The following FBXW7 variants were observed in gnomAD, a reference collection of about 807,000 sequenced individuals.
FBXW7 encodes F-box and WD repeat domain containing 7, also known as F-box/WD repeat-containing protein 7.
Under a neutral mutation model 86.3 loss-of-function variants are expected in FBXW7, and 11 were observed. The observed-to-expected ratio is 0.13, with a 90% CI of 0.08 to 0.21. The LOEUF is 0.21. Among genes scored for constraint, FBXW7 ranks in the 10% least tolerant of loss-of-function variants. FBXW7 has a pLI of 1.00. For synonymous variants in FBXW7, 313 were observed against 297.9 expected (o/e 1.05, Z -0.52); for missense variants, 488 against 847.4 (o/e 0.58, Z 5.27).
intron 6 of FBXW7, among the ~76,000 whole-genome samples, chr4:152,346,122 T>C (rs1253003452): frequency 2.0e-5 from 3 of 152,152 alleles, no homozygotes; most frequent in African/African-American, 7.2e-5. Context: ...GATAAATCAA[T>C]GTAATATCAC....
intron 2 of FBXW7, among the ~76,000 whole-genome samples, chr4:152,468,316 T>C (rs1367246234): frequency 1.3e-5 from 2 of 151,958 alleles, no homozygotes; most frequent in Non-Finnish European, 2.9e-5. Context: ...AAAACTTATA[T>C]AAGAATGTTC....
intron 4 of FBXW7, among the ~76,000 whole-genome samples, chr4:152,381,416 GGTTT>G (rs1267564278): frequency 2.0e-5 from 3 of 151,942 alleles, no homozygotes; most frequent in South Asian, 2.1e-4. Context: ...CCCAAGCAGT[GGTTT>G]GTTTGTTTGT....
intron 2 of FBXW7, among the ~76,000 whole-genome samples, chr4:152,443,950 CATA>C (rs1560904835): frequency 6.6e-6 from 1 of 152,002 alleles, no homozygotes; most frequent in Non-Finnish European, 1.5e-5. Context: ...TCAAATTATC[CATA>C]ATATCATCAT....
intron 2 of FBXW7, among the ~76,000 whole-genome samples, chr4:152,500,783 A>G (rs1746872502): frequency 6.6e-6 from 1 of 152,226 alleles, no homozygotes; most frequent in African/African-American, 2.4e-5. Context: ...AAATGTATTC[A>G]AAAGATTATT....
chr4:152,483,422 G>A (rs561599548), intron 2 of FBXW7, among the ~76,000 whole-genome samples: 4 of 151,446 alleles, frequency 2.6e-5, no homozygotes, highest in African/African-American at 9.7e-5. Flanking sequence ...AGCTTTTTGA[G>A]GCTGGGCGTG....
chr4:152,532,754 A>G (rs1750130339), intron 2 of FBXW7, among the ~76,000 whole-genome samples: 1 of 152,168 alleles, frequency 6.6e-6, no homozygotes, highest in Non-Finnish European at 1.5e-5. Flanking sequence ...TCTTAGATAA[A>G]TATTGGTCTA....
chr4:152,376,099 G>A (rs547208653), intron 4 of FBXW7, among the ~76,000 whole-genome samples: 13 of 152,080 alleles, frequency 8.5e-5, no homozygotes, highest in South Asian at 8.3e-4. Flanking sequence ...TTTCTGACCC[G>A]TGAGATTACT....
At chr4:152,374,352 TTC>T (rs1437856382) in intron 4 of FBXW7, among the ~76,000 whole-genome samples, 1 of 152,128 alleles carries the variant, frequency 6.6e-6, no homozygotes, top group Non-Finnish European at 1.5e-5. Flanking sequence ...CCATGTGTGT[TTC>T]TTTTTCATTT....
chr4:152,361,081 G>A lies in FBXW7; in HGVS notation c.502-10957C>T, dbSNP rs566327817. Among the ~76,000 whole-genome samples the A allele has an allele frequency of 1.4e-3, 216 of 152,058 alleles. 1 individual carries two copies. The highest frequency in any genetic ancestry group is 4.8e-3 in the African/African-American group (201 of 41,544). ...TTTCACTAATTCAAAAATATTTATTGAGTACCTATTTTGTTTTGGTGCTAG... is the reference window on the plus strand; with the variant it reads ...TTTCACTAATTCAAAAATATTTATTAAGTACCTATTTTGTTTTGGTGCTAG... On this transcript the variant is annotated intron_variant, in intron 4 of 13. Transcript: ENST00000281708.
chr4:152,324,329 T>C lies in FBXW7; in HGVS notation c.1710A>G (p.Thr570=), dbSNP rs1163128873. The C allele has an allele frequency of 8.7e-6, 14 of 1,612,494 alleles. No individual in the cohort carries two copies. The highest frequency in any genetic ancestry group is 1.2e-5 in the Non-Finnish European group (14 of 1,179,214). The change falls in exon 13 of 14, where the codon ACA becomes ACG. Residue 570 remains threonine, a synonymous_variant. Coordinates refer to ENST00000281708, the MANE Select transcript of FBXW7 (RefSeq NM_001349798.2). ...CTGTTAACGTGTGAATGCAATTCCC[T>C]GTCTCCACATCCCAAACACGGATTG... ...DTSIRVWDVE[T]GNCIHTLTGH...
intron 2 of FBXW7, among the ~76,000 whole-genome samples, chr4:152,466,062 C>A (rs1392739725): frequency 6.6e-6 from 1 of 152,116 alleles, no homozygotes; most frequent in East Asian, 1.9e-4. Flanking sequence ...AAAAACACAT[C>A]TAGCGCATTT....
chr4:152,524,277 A>G (rs1749289891), intron 2 of FBXW7, among the ~76,000 whole-genome samples: 1 of 152,214 alleles, frequency 6.6e-6, no homozygotes, highest in Non-Finnish European at 1.5e-5. Context: ...TCAACTCCAA[A>G]GCTTGCCTCT....
chr4:152,367,612 T>C (rs1441620599), intron 4 of FBXW7, among the ~76,000 whole-genome samples: 1 of 152,146 alleles, frequency 6.6e-6, no homozygotes, highest in Non-Finnish European at 1.5e-5. Flanking sequence ...TAACAATAGA[T>C]ACATTTCTGG....
intron 2 of FBXW7, among the ~76,000 whole-genome samples, chr4:152,468,676 T>C (rs978627378): frequency 6.6e-6 from 1 of 152,142 alleles, no homozygotes; most frequent in African/African-American, 2.4e-5. Flanking sequence ...TTGGTGAATA[T>C]ATTAAAATAT....
chr4:152,364,748 C>A (rs1220016972), intron 4 of FBXW7, among the ~76,000 whole-genome samples: 1 of 152,098 alleles, frequency 6.6e-6, no homozygotes, highest in Non-Finnish European at 1.5e-5. Flanking sequence ...TCCATTTGAT[C>A]CATGTATGGT....
intron 8 of FBXW7, 148 bp downstream of exon 8, chr4:152,332,448 G>A (rs1267155082): frequency 1.5e-6 from 1 of 676,184 alleles, no homozygotes; most frequent in Non-Finnish European, 2.1e-6. Context: ...GGGGTTAGCT[G>A]TTAAGATTCG....
At chr4:152,470,213 T>C (rs1743824808) in intron 2 of FBXW7, among the ~76,000 whole-genome samples, 1 of 152,112 alleles carries the variant, frequency 6.6e-6, no homozygotes, top group Admixed American at 6.5e-5. Context: ...ATAGAGATGC[T>C]AATGAATTAT....
intron 2 of FBXW7, among the ~76,000 whole-genome samples, chr4:152,439,336 G>A (rs1273106098): frequency 6.6e-6 from 1 of 151,968 alleles, no homozygotes; most frequent in Non-Finnish European, 1.5e-5. Flanking sequence ...ATGTTCTCGA[G>A]GACCTACATT....
chr4:152,395,604 A>C (rs981136864), intron 4 of FBXW7, among the ~76,000 whole-genome samples: 4 of 152,116 alleles, frequency 2.6e-5, no homozygotes, highest in African/African-American at 9.6e-5. Context: ...CACCAAACTC[A>C]TAAGGAAAAG....
Sources: allele counts gnomAD v4.1 joint callset (sites outside exome capture counted in the v4.1 genomes callset), GRCh38; gene constraint gnomAD v4.1.1; transcripts MANE v1.5; gene names NCBI Gene and HGNC (gene_info 2026-07-23, HGNC 2026-07-21).